The following GASK1A variants were observed in gnomAD, a reference collection of about 807,000 sequenced individuals.
GASK1A encodes golgi associated kinase 1A.
GASK1A carries 40 observed loss-of-function variants against 41.2 expected under a neutral mutation model. That is an observed-to-expected ratio of 0.97 (90% CI 0.75 to 1.27). GASK1A has a LOEUF of 1.27. Among genes scored for constraint, GASK1A ranks in the 50% most tolerant of loss-of-function variants. GASK1A has a pLI of 0.00. For synonymous variants in GASK1A, 316 were observed against 307.1 expected, an observed-to-expected ratio of 1.03 and a Z score of -0.30; for missense variants, 678 against 745.1, an observed-to-expected ratio of 0.91 and a Z score of 1.05.
In GASK1A at chr3:42,984,843, T is replaced by C. The variant is rs1172976176; in HGVS notation, c.3+5198T>C. Among the ~76,000 whole-genome samples the C allele has an allele frequency of 6.6e-6, 1 of 152,172 alleles. No individual in the cohort carries two copies. The highest frequency in any genetic ancestry group is 2.4e-5 in the African/African-American group (1 of 41,448). On this transcript the variant is annotated intron_variant, in intron 1 of 4. Coordinates refer to ENST00000430121, the MANE Select transcript of GASK1A (RefSeq NM_001129908.3). The surrounding 1 kb of genome is among the most constrained non-coding windows in gnomAD (Gnocchi z 4.2). ...TGGGGGTCTCCGTGACTTGCTTTGG[T>C]GCCTTATCTACCAGGGAGTTGAGCT...
chr3:42,997,945 G>A (rs199940896), intron 1 of GASK1A, among the ~76,000 whole-genome samples: 1 of 152,196 alleles, frequency 6.6e-6, no homozygotes, highest in Non-Finnish European at 1.5e-5. Flanking sequence ...CTGGGAGGCC[G>A]TGAGGAACAT....
In GASK1A at chr3:42,988,898, C is replaced by T. The variant is rs532922035; in HGVS notation, c.3+9253C>T. On this transcript the variant is annotated intron_variant, in intron 1 of 4. Transcript: ENST00000430121. ...ATGGTTCCACTGGCCAGTCTTGCTT[C>T]TAGCCAGACAGGCTTTGCAGCAGTG... 4.6e-5 allele frequency among the ~76,000 whole-genome samples: 7 copies of T among 152,342 alleles called. No homozygotes were observed. The East Asian group carries it at 1.2e-3, about 25-fold the overall frequency.
intron 1 of GASK1A, among the ~76,000 whole-genome samples, chr3:43,006,309 T>C (rs1276012166): frequency 6.6e-6 from 1 of 152,132 alleles, no homozygotes; most frequent in Non-Finnish European, 1.5e-5. Flanking sequence ...CTGCATCCCA[T>C]GTCTTCCTCT....
rs79943272 is a variant in GASK1A at position 43,006,053 on chromosome 3, C to T, written c.4-26214C>T. Among the ~76,000 whole-genome samples the T allele has an allele frequency of 5.3e-3, 786 of 146,992 alleles. 7 individuals are homozygous for T. The highest frequency in any genetic ancestry group is 0.018 in the African/African-American group (740 of 41,334). ...CTTTCCTGGGCACCTTTCTGTTTCT[C>T]TCTAGTTAGTAATCATCTTTTTTGT... On this transcript the variant is annotated intron_variant, in intron 1 of 4. Coordinates refer to ENST00000430121, the MANE Select transcript of GASK1A (RefSeq NM_001129908.3).
chr3:43,039,205 G>GTTTTTTTTTTTTTT (rs1329284553), intron 2 of GASK1A, among the ~76,000 whole-genome samples: 1 of 125,788 alleles, frequency 7.9e-6, no homozygotes, highest in African/African-American at 2.9e-5. Context: ...TTTTTTTTTG[G>GTTTTTTTTTTTTTT]TTTTTTTTTT....
intron 1 of GASK1A, among the ~76,000 whole-genome samples, chr3:43,013,058 A>C (rs1186091034): frequency 6.6e-6 from 1 of 151,434 alleles, no homozygotes; most frequent in Non-Finnish European, 1.5e-5. Context: ...GGGAAGTCAC[A>C]GGGAGGGGCA....
intron 1 of GASK1A, among the ~76,000 whole-genome samples, chr3:42,983,851 C>T (rs1364026425): frequency 1.3e-5 from 2 of 152,184 alleles, no homozygotes; most frequent in Non-Finnish European, 2.9e-5. Context: ...CCCAACCATA[C>T]CAAACAGAGG....
chr3:43,018,434 A>T (rs762969150), intron 1 of GASK1A, among the ~76,000 whole-genome samples: 17 of 152,180 alleles, frequency 1.1e-4, no homozygotes, highest in Non-Finnish European at 2.4e-4. Flanking sequence ...AATTCTTGAC[A>T]TGGGACTGGG....
chr3:43,042,775 T>G (rs1404563589), intron 2 of GASK1A, among the ~76,000 whole-genome samples: 3 of 152,176 alleles, frequency 2.0e-5, no homozygotes, highest in Non-Finnish European at 4.4e-5. Context: ...TCAATCCAGC[T>G]CCTCAAAGCC....
chr3:43,014,658 C>T (rs1220555306), intron 1 of GASK1A, among the ~76,000 whole-genome samples: 5 of 151,212 alleles, frequency 3.3e-5, no homozygotes, highest in Non-Finnish European at 5.9e-5. Flanking sequence ...TGGGAAGTCA[C>T]AAGAAGTGGC....
intron 1 of GASK1A, among the ~76,000 whole-genome samples, chr3:43,007,958 G>T (rs2125678740): frequency 6.6e-6 from 1 of 152,314 alleles, no homozygotes; most frequent in African/African-American, 2.4e-5. Context: ...GCAGGAAGAG[G>T]ATGGCTTCCA....
intron 2 of GASK1A, chr3:43,037,407 A>G: frequency 1.1e-6 from 1 of 943,138 alleles, no homozygotes; most frequent in Middle Eastern, 2.2e-4. Flanking sequence ...CCCTTGCCAC[A>G]CAGAAGCTGC....
At chr3:42,985,588 G>T (rs553279782) in intron 1 of GASK1A, among the ~76,000 whole-genome samples, 29 of 96,552 alleles carry the variant, frequency 3.0e-4, no homozygotes, top group East Asian at 1.6e-3. Context: ...TGTGTGTGTG[G>T]GCGGAGGCAG....
At chr3:42,992,198 G>A (rs919453613) in intron 1 of GASK1A, among the ~76,000 whole-genome samples, 9 of 152,134 alleles carry the variant, frequency 5.9e-5, no homozygotes, top group Non-Finnish European at 8.8e-5. Context: ...CCTCCCTGGC[G>A]GTGGCTGAGT....
chr3:42,987,230 G>T (rs1032178366), intron 1 of GASK1A, among the ~76,000 whole-genome samples: 4 of 152,238 alleles, frequency 2.6e-5, no homozygotes, highest in Non-Finnish European at 5.9e-5. Flanking sequence ...ATTGGCCGGG[G>T]TCGGGTCATA....
At chr3:43,013,586 G>A (rs1274619490) in intron 1 of GASK1A, among the ~76,000 whole-genome samples, 1 of 151,708 alleles carries the variant, frequency 6.6e-6, no homozygotes, top group Non-Finnish European at 1.5e-5. Context: ...AGCCAAAGAA[G>A]TGGCAGTGTG....
intron 1 of GASK1A, among the ~76,000 whole-genome samples, chr3:42,979,895 C>T (rs1057333633): frequency 6.6e-6 from 1 of 152,122 alleles, no homozygotes; most frequent in African/African-American, 2.4e-5. Context: ...AATCTGCACT[C>T]CTTGACCTAA....
At chr3:43,049,705 C>CAA (rs1553616416) in intron 2 of GASK1A, among the ~76,000 whole-genome samples, 1 of 151,772 alleles carries the variant, frequency 6.6e-6, no homozygotes, top group Non-Finnish European at 1.5e-5. Flanking sequence ...CTGTATAAAA[C>CAA]AGAAAATAAT....
chr3:43,028,263 G>A (rs760427730), intron 1 of GASK1A, among the ~76,000 whole-genome samples: 8 of 152,168 alleles, frequency 5.3e-5, no homozygotes, highest in Non-Finnish European at 7.3e-5. Flanking sequence ...ATGCTGGTCA[G>A]CTGGGCCTAA....
Sources: gnomAD v4.1 joint callset for allele counts (sites outside exome capture counted in the v4.1 genomes callset) on GRCh38, gnomAD v4.1.1 for gene constraint, Gnocchi (gnomAD v3.1) non-coding constraint, MANE v1.5 for transcripts, NCBI Gene and HGNC (gene_info 2026-07-23, HGNC 2026-07-21) for gene names.